Variants in NBPF12 observed in about 807,000 individuals in gnomAD.
The protein encoded by NBPF12 is NBPF member 12.
In NBPF12, 115 loss-of-function variants were observed where a neutral mutation model predicts 146.4. The ratio of observed to expected loss-of-function variants is 0.79; its 90% CI spans 0.68 to 0.92. The LOEUF is 0.92. Among genes scored for constraint, NBPF12 ranks in the 40% least tolerant of loss-of-function variants. NBPF12 has a pLI of 0.00. For missense variants in NBPF12, 1,205 were observed against 1,326.8 expected, an observed-to-expected ratio of 0.91 and a Z score of 1.43; for synonymous variants, 385 against 508.9, an observed-to-expected ratio of 0.76 and a Z score of 3.28.
At chr1:146,994,297 C>T (rs782138187) in intron 33 of NBPF12, 35 bp from the exon 37 acceptor site, 25 of 1,611,150 alleles carry the variant, frequency 1.6e-5, no homozygotes, top group African/African-American at 2.7e-5. Flanking sequence ...TCTGACTTTC[C>T]CTGGCTGCTT....
chr1:146,965,860 C>A (rs1468203022), intron 8 of NBPF12, among the ~76,000 whole-genome samples: 1 of 139,742 alleles, frequency 7.2e-6, no homozygotes, highest in Non-Finnish European at 1.5e-5. Context: ...TTAATCCCAG[C>A]ACTTTGAGAG....
chr1:146,956,273 A>G (rs1445336672), intron 2 of NBPF12, among the ~76,000 whole-genome samples: 21 of 152,014 alleles, frequency 1.4e-4, no homozygotes, highest in Non-Finnish European at 2.9e-4. Context: ...GAACACAGGT[A>G]TCATTTCATT....
chr1:146,956,628 G>C (rs1199598720), intron 2 of NBPF12, among the ~76,000 whole-genome samples: 1 of 151,834 alleles, frequency 6.6e-6, no homozygotes, highest in African/African-American at 2.4e-5. Context: ...AACAACACAT[G>C]CAATGAAGCA....
upstream of NBPF12, among the ~76,000 whole-genome samples, chr1:146,938,566 C>T (rs1434106647): frequency 1.3e-5 from 2 of 152,122 alleles, no homozygotes; most frequent in African/African-American, 2.4e-5. Context: ...TCTCCGCCCG[C>T]GGCCCGAACC....
At chr1:146,992,836 T>A in exon 32 of NBPF12, 1 of 687,540 alleles carries the variant, frequency 1.5e-6, no homozygotes, top group Non-Finnish European at 2.6e-6. Flanking sequence ...CAGAAGTTCC[T>A]TTTATGCATT....
At chr1:146,946,835 A>C (rs1181690983), upstream of NBPF12, among the ~76,000 whole-genome samples, 1 of 151,878 alleles carries the variant, frequency 6.6e-6, no homozygotes, top group Non-Finnish European at 1.5e-5. Flanking sequence ...ATTTACGTGT[A>C]AGATTTATTT....
At chr1:146,978,496 C>A (rs1657190204) in intron 18 of NBPF12, among the ~76,000 whole-genome samples, 2 of 149,888 alleles carry the variant, frequency 1.3e-5, no homozygotes, top group South Asian at 4.3e-4. Flanking sequence ...AACTCATGAC[C>A]TCAAATGATT....
At chr1:146,994,625 G>T in exon 34 of NBPF12, 1 of 1,587,902 alleles carries the variant, frequency 6.3e-7, no homozygotes, top group East Asian at 2.2e-5. Flanking sequence ...AGGACCTATA[G>T]GCACCTGAAG....
At position 146,970,785 on chromosome 1, in the gene NBPF12, C is replaced by G. The variant is rs1316926195; in HGVS notation, c.1379+66C>G. 3.2e-6 allele frequency: 4 copies of G among 1,233,922 alleles called. No homozygotes were observed. In the Admixed American group the frequency reaches 5.0e-5, roughly 16 times the overall value. The allele number at this position is 1,233,922 out of a possible 1,614,324, so 76.4% of individuals were successfully genotyped here. On this transcript the variant is annotated intron_variant, in intron 12 of 33. Transcript: ENST00000617844. ...TATGAAAATGTCTAGGAGGCATGCC[C>G]TCTCTGGCATCTATGATGGGCCAAA...
intron 31 of NBPF12, 90 bp from the exon 35 acceptor site, chr1:146,992,622 C>T (rs1170310311): frequency 4.0e-6 from 3 of 757,388 alleles, no homozygotes; most frequent in African/African-American, 3.4e-5. Context: ...TTTTTTTAAC[C>T]ACTTCCTTAT....
rs1340604267 is a variant in NBPF12, at chr1:146,941,664, G to T, written c.-821-1627G>T. 3.5e-5 allele frequency among the ~76,000 whole-genome samples: 5 copies of T among 143,124 alleles called. No individual in the cohort carries two copies. The East Asian group carries it at 1.1e-3, about 32-fold the overall frequency. The allele number at this position is 143,124 out of a possible 152,430, so 93.9% of individuals were successfully genotyped here. On this transcript the variant is annotated intron_variant, in intron 1 of 35. Coordinates refer to the NBPF12 transcript ENST00000617931. ...AGCTACTCAGGAGGCTGAGGCAGGA[G>T]AATTGCTTGAACCCAGGAGGCGGAG...
chr1:146,969,792 G>T (rs1207935569), intron 11 of NBPF12, among the ~76,000 whole-genome samples, 196 bp downstream of exon 14: 45 of 151,328 alleles, frequency 3.0e-4, no homozygotes, highest in Non-Finnish European at 5.9e-4. Flanking sequence ...TATTGCAAGT[G>T]TCCCTCCTTC....
intron 25 of NBPF12, among the ~76,000 whole-genome samples, chr1:146,987,569 C>T (rs1376590629): frequency 6.6e-6 from 1 of 151,972 alleles, no homozygotes; most frequent in Non-Finnish European, 1.5e-5. Context: ...TTATTGAGCA[C>T]AGTCTTTTCA....
rs1260316835 is a variant in NBPF12 at position 146,994,937 on chromosome 1, T to C, written c.*362T>C. On this transcript the variant is annotated 3_prime_UTR_variant, in exon 34 of 34. Transcript: ENST00000617844. ...AGGTCAGTGTCATCTTTGTGTTTAG[T>C]TCATCCAAAGGTGTTACCCTGGTTT... is the stretch of plus-strand genomic sequence containing the variant. 1.9e-5 allele frequency: 7 copies of C among 369,470 alleles called. No homozygotes were observed. In the East Asian group the frequency reaches 1.9e-4, roughly 10 times the overall value. 22.9% of individuals were successfully genotyped at this position (369,470 alleles called of 1,614,324 possible). A position where few individuals can be genotyped will look rare whatever the true frequency, so the allele number is the denominator to read the frequency against.
At chr1:146,984,892 G>T (rs1657655616) in exon 22 of NBPF12, 4 of 1,597,240 alleles carry the variant, frequency 2.5e-6, no homozygotes, top group Non-Finnish European at 3.4e-6. Context: ...AACTCCTTCA[G>T]TTTATCTTGG....
upstream of NBPF12, among the ~76,000 whole-genome samples, chr1:146,948,253 C>T (rs1273063356): frequency 0.043 from 6,500 of 151,514 alleles, 533 homozygotes; most frequent in African/African-American, 0.15. Flanking sequence ...TCAAGTGATC[C>T]ACCTGCTTGG....
At chr1:146,958,141 C>T (rs1171339287) in intron 2 of NBPF12, among the ~76,000 whole-genome samples, 1,157 of 115,574 alleles carry the variant, frequency 0.01, 6 homozygotes, top group African/African-American at 0.033. Flanking sequence ...TCCCCCAGCC[C>T]TCACCCCATG....
intron 1 of NBPF12, among the ~76,000 whole-genome samples, chr1:146,941,537 C>T (rs12072610): frequency 0.14 from 19,755 of 140,346 alleles, 1,704 homozygotes; most frequent in Admixed American, 0.26. Context: ...AGGTGGATCA[C>T]GAGGTCAGGA....
Position 146,992,458 on chromosome 1 carries a change from CTCTCTGTGTGTGTGTGTGTGTGTGTGTG to C in NBPF12, c.3849-252_3849-225del, listed in dbSNP as rs1658240894. 6.3e-4 allele frequency among the ~76,000 whole-genome samples: 63 copies of C among 99,544 alleles called. 1 individual carries two copies. The highest frequency in any genetic ancestry group is 2.9e-3 in the African/African-American group (63 of 21,454). 65.3% of individuals were successfully genotyped at this position (99,544 alleles called of 152,430 possible). Reference sequence around the variant, plus strand: ...GTTCTCTCTCTCTCTCTCTCTCTCTCTCTCTGTGTGTGTGTGTGTGTGTGTGTGTGTGTGTGTGTGTGTGTGTGTGTGT... The same window carrying C: ...GTTCTCTCTCTCTCTCTCTCTCTCTCTGTGTGTGTGTGTGTGTGTGTGTGT... On this transcript the variant is annotated intron_variant, in intron 31 of 33. Transcript: ENST00000617844.
Sources: gnomAD v4.1 joint callset for allele counts (sites outside exome capture counted in the v4.1 genomes callset) on GRCh38, gnomAD v4.1.1 for gene constraint, MANE v1.5 for transcripts, NCBI Gene and HGNC (gene_info 2026-07-23, HGNC 2026-07-21) for gene names.